Variants in WSCD2 observed in about 807,000 individuals in gnomAD.
WSCD2 encodes WSC domain sialate O sulfotransferase 2, also known as sialate:O-sulfotransferase 2.
WSCD2 carries 28 observed loss-of-function variants against 55.7 expected under a neutral mutation model. The observed-to-expected ratio is 0.50, with a 90% CI of 0.37 to 0.69. The LOEUF (loss-of-function observed/expected upper bound fraction) is 0.69, where lower values mean the gene tolerates loss of function less well. Among genes scored for constraint, WSCD2 ranks in the 30% least tolerant of loss-of-function variants. WSCD2 has a pLI of 0.00. For synonymous variants in WSCD2, 301 were observed against 301.9 expected, an observed-to-expected ratio of 1.00 and a Z score of 0.03; for missense variants, 616 against 762.1, an observed-to-expected ratio of 0.81 and a Z score of 2.26.
intron 6 of WSCD2, among the ~76,000 whole-genome samples, chr12:108,227,794 T>C (rs1409977977): frequency 6.6e-6 from 1 of 151,990 alleles, no homozygotes; most frequent in African/African-American, 2.4e-5. Flanking sequence ...ATGATGGTGA[T>C]GATTATGACG....
At chr12:108,136,790 T>G (rs1007273536) in intron 1 of WSCD2, among the ~76,000 whole-genome samples, 1 of 151,684 alleles carries the variant, frequency 6.6e-6, no homozygotes, top group Non-Finnish European at 1.5e-5. Flanking sequence ...TGATGCACGG[T>G]TTCAGGAACT....
At chr12:108,196,591 T>C (rs1370868071) in intron 2 of WSCD2, among the ~76,000 whole-genome samples, 1 of 152,204 alleles carries the variant, frequency 6.6e-6, no homozygotes, top group Non-Finnish European at 1.5e-5. Context: ...GCACTTTACA[T>C]ATATAGAAAC....
chr12:108,172,474 AAT>A (rs1880342104), intron 1 of WSCD2, among the ~76,000 whole-genome samples: 1 of 152,240 alleles, frequency 6.6e-6, no homozygotes, highest in African/African-American at 2.4e-5. Flanking sequence ...CTTATTTGGA[AAT>A]AGAGTCTTTG....
intron 1 of WSCD2, among the ~76,000 whole-genome samples, chr12:108,154,961 AC>A (rs1565921334): frequency 6.6e-6 from 1 of 152,208 alleles, no homozygotes; most frequent in Non-Finnish European, 1.5e-5. Flanking sequence ...ACCTAGAAGT[AC>A]CACGTGAGAC....
chr12:108,244,863 T>C lies in WSCD2; in HGVS notation c.1346-3128T>C, dbSNP rs1889978655. 1.3e-5 allele frequency among the ~76,000 whole-genome samples: 2 copies of C among 152,036 alleles called. 1 individual carries two copies. The highest frequency in any genetic ancestry group is 4.1e-4 in the South Asian group (2 of 4,828). On this transcript the variant is annotated intron_variant, in intron 8 of 8. Coordinates refer to ENST00000547525, the MANE Select transcript of WSCD2 (RefSeq NM_014653.4). ...CTATTTTTTCTTTTTAAAAATTTAT[T>C]TATTTTTATATATTTAGGATGTACA...
chr12:108,221,882 C>T (rs1887567883), intron 4 of WSCD2, among the ~76,000 whole-genome samples: 1 of 152,204 alleles, frequency 6.6e-6, no homozygotes, highest in African/African-American at 2.4e-5. Flanking sequence ...TCACCACTAC[C>T]ACTGCCACCT....
rs766280927 is a variant in WSCD2, at chr12:108,196,234, G to A, written c.382+20G>A. 12 of 1,597,700 alleles carry A rather than the reference G, an allele frequency of 7.5e-6. No individual in the cohort carries two copies. The highest frequency in any genetic ancestry group is 1.0e-5 in the Non-Finnish European group (12 of 1,171,710). On this transcript the variant is annotated intron_variant, in intron 2 of 8. Transcript: ENST00000547525. ...AGCGAGGTAAGAGCGAGGAACATCTGGACACTGAGGGGCTGGGGAGAAGGG... is the reference window on the plus strand; with the variant it reads ...AGCGAGGTAAGAGCGAGGAACATCTAGACACTGAGGGGCTGGGGAGAAGGG...
At chr12:108,232,951 C>T in intron 7 of WSCD2, 56 bp downstream of exon 7, 2 of 1,587,682 alleles carry the variant, frequency 1.3e-6, no homozygotes, top group African/African-American at 2.7e-5. Flanking sequence ...GGGAAGGTCC[C>T]CACTTGGAGG....
In WSCD2 at chr12:108,227,064, CAG is replaced by C; in HGVS notation, c.884_885del (p.Glu295GlyfsTer2). The C allele has an allele frequency of 6.2e-7, 1 of 1,614,258 alleles. No individual in the cohort carries two copies. Among genetic ancestry groups the C allele is most frequent in the Non-Finnish European group, 8.5e-7 (1 of 1,180,048 alleles). On this transcript the variant is annotated frameshift_variant, in exon 6 of 9. Coordinates refer to ENST00000547525, the MANE Select transcript of WSCD2 (RefSeq NM_014653.4). LOFTEE classifies it high-confidence loss of function. The stretch of plus-strand genomic sequence containing the variant: ...CCACCACCCGATTCCCGCTCCATGA[CAG>C]AGAGGATGAGCAGCTCTGTGCCCAG... ...FPTTRFPLHDREDEQLCAQKC... is the reference protein window; with the variant it reads ...FPTTRFPLHDXEDEQLCAQKC...
At chr12:108,246,930 C>T (rs936386904) in intron 8 of WSCD2, among the ~76,000 whole-genome samples, 7 of 152,096 alleles carry the variant, frequency 4.6e-5, no homozygotes, top group Non-Finnish European at 1.0e-4. Context: ...AGAAGATGAC[C>T]TGAAAACAGA....
At chr12:108,239,067 C>CT (rs1281061815) in intron 7 of WSCD2, among the ~76,000 whole-genome samples, 1 of 152,184 alleles carries the variant, frequency 6.6e-6, no homozygotes, top group Non-Finnish European at 1.5e-5. Flanking sequence ...TCATGCCCCT[C>CT]TTTTTTGCTT....
At chr12:108,226,469 G>T (rs78041719) in intron 5 of WSCD2, among the ~76,000 whole-genome samples, 4,239 of 152,062 alleles carry the variant, frequency 0.028, 198 homozygotes, top group African/African-American at 0.098. Context: ...GTGGTGTATT[G>T]CATGACCACG....
chr12:108,206,334 T>C lies in WSCD2; in HGVS notation c.428T>C (p.Leu143Pro), dbSNP rs1593021438. The change falls in exon 3 of 9, where the codon CTT (leucine) becomes CCT (proline). Residue 143 changes from leucine to proline, a missense_variant. Physicochemically the swap from Leu to Pro is moderately conservative, Grantham distance 98. Around this residue, in one of 3 missense-constraint regions of WSCD2, gnomAD observed 374 missense variants for 467.4 expected, o/e 0.80. Coordinates refer to ENST00000547525, the MANE Select transcript of WSCD2 (RefSeq NM_014653.4). ...CTGGATGACACCCAGAGTCGGGCCC[T>C]TCGAGGAGTGTCCTTTTTTGACTAC... ...CYLDDTQSRA[L>P]RGVSFFDYKK... 1.2e-6 allele frequency: 2 copies of C among 1,614,186 alleles called. No individual in the cohort carries two copies. Among genetic ancestry groups the C allele is most frequent in the South Asian group, 1.1e-5 (1 of 91,078 alleles).
rs1333401076 is a variant in WSCD2, at chr12:108,195,732, A to G, written c.-101A>G. The G allele has an allele frequency of 3.4e-6, 5 of 1,472,946 alleles. No individual in the cohort carries two copies. The highest frequency in any genetic ancestry group is 3.6e-6 in the Non-Finnish European group (4 of 1,100,790). 91.2% of individuals were successfully genotyped at this position (1,472,946 alleles called of 1,614,324 possible). ...GGAAGAGTGAGACTGAGGACCCCCAAGTGTTCCATCCCTAAGGAAAGCTTG... is the reference window on the plus strand; with the variant it reads ...GGAAGAGTGAGACTGAGGACCCCCAGGTGTTCCATCCCTAAGGAAAGCTTG... On this transcript the variant is annotated 5_prime_UTR_variant, in exon 2 of 9. Transcript: ENST00000547525.
intron 2 of WSCD2, among the ~76,000 whole-genome samples, chr12:108,198,945 G>A (rs1205631916): frequency 6.6e-6 from 1 of 152,184 alleles, no homozygotes; most frequent in Non-Finnish European, 1.5e-5. Context: ...TTAACACAAG[G>A]TCTGTTTAAT....
intron 7 of WSCD2, among the ~76,000 whole-genome samples, chr12:108,234,478 T>C (rs1425106946): frequency 6.6e-6 from 1 of 152,330 alleles, no homozygotes; most frequent in African/African-American, 2.4e-5. Context: ...TTTATATATT[T>C]ATTAATTTCC....
chr12:108,206,261 C>A (rs758699578), intron 2 of WSCD2, 28 bp from the exon 3 acceptor site: 5 of 1,598,856 alleles, frequency 3.1e-6, no homozygotes, highest in Non-Finnish European at 4.3e-6. Context: ...TGTCCCCAGC[C>A]ACCTTTGACG....
Position 108,206,352 on chromosome 12 carries a change from T to C in WSCD2, c.446T>C (p.Phe149Ser), listed in dbSNP as rs1885366835. 6.2e-7 allele frequency: 1 copy of C among 1,614,230 alleles called. No individual in the cohort carries two copies. The highest frequency in any genetic ancestry group is 8.5e-7 in the Non-Finnish European group (1 of 1,180,028). ...CGGGCCCTTCGAGGAGTGTCCTTTT[T>C]TGACTACAAAAAGATGACCATCTTC... Reference protein sequence around the residue: ...QSRALRGVSFFDYKKMTIFRC... With the variant: ...QSRALRGVSFSDYKKMTIFRC... The change falls in exon 3 of 9, where the codon TTT becomes TCT. Residue 149 changes from phenylalanine to serine, a missense_variant. By Grantham distance (155) the Phe-to-Ser change is radical (BLOSUM62 -2). Coordinates refer to ENST00000547525, the MANE Select transcript of WSCD2 (RefSeq NM_014653.4).
rs1355924507 is a variant in WSCD2 at position 108,248,393 on chromosome 12, C to A, written c.*50C>A. 1.9e-6 allele frequency: 3 copies of A among 1,565,850 alleles called. No homozygotes were observed. The highest frequency in any genetic ancestry group is 1.2e-5 in the South Asian group (1 of 83,032). Reference sequence around the variant, plus strand: ...ACTGGGAGTCCTGACCACGCAGGCCCTGGGGACTCAAGACCCCTGGTTACC... The same window carrying A: ...ACTGGGAGTCCTGACCACGCAGGCCATGGGGACTCAAGACCCCTGGTTACC... On this transcript the variant is annotated 3_prime_UTR_variant, in exon 9 of 9. Transcript: ENST00000547525. This position sits in a 1 kb window ranked among gnomAD's most constrained non-coding sequence, Gnocchi z 4.3.
Sources: allele counts gnomAD v4.1 joint callset (sites outside exome capture counted in the v4.1 genomes callset), GRCh38; gene constraint gnomAD v4.1.1; regional missense constraint gnomAD v4.1.1; non-coding constraint Gnocchi (gnomAD v3.1); transcripts MANE v1.5; gene names NCBI Gene and HGNC (gene_info 2026-07-23, HGNC 2026-07-21).